TNFRSF8: variants seen among roughly 807,000 people sequenced by gnomAD.
TNFRSF8 encodes TNF receptor superfamily member 8, also known as tumor necrosis factor receptor superfamily member 8.
In TNFRSF8, 26 loss-of-function variants were observed where a neutral mutation model predicts 70.8. That is an observed-to-expected ratio of 0.37 (90% CI 0.27 to 0.51). The LOEUF is 0.51. TNFRSF8 is among the 20% of genes least tolerant of loss of function. TNFRSF8 has a pLI of 0.94. For synonymous variants in TNFRSF8, 356 were observed against 339.2 expected (o/e 1.05, Z -0.54); for missense variants, 720 against 807.9 (o/e 0.89, Z 1.32).
At chr1:12,132,802 C>T (rs1317946851) in intron 12 of TNFRSF8, among the ~76,000 whole-genome samples, 2 of 134,180 alleles carry the variant, frequency 1.5e-5, no homozygotes, top group African/African-American at 2.8e-5. Context: ...CGTGCCACTA[C>T]ACTCCAGCCT....
chr1:12,104,544 A>G lies in TNFRSF8; in HGVS notation c.421+13A>G. On this transcript the variant is annotated intron_variant, in intron 4 of 14. Transcript: ENST00000263932. ...GTCAAGTTCCCAGGTCAGTGTCCCC[A>G]CCCTTAACTCAGGACAGAGATCTAT... The G allele has an allele frequency of 6.2e-7, 1 of 1,613,756 alleles. No individual in the cohort carries two copies. The highest frequency in any genetic ancestry group is 8.5e-7 in the Non-Finnish European group (1 of 1,179,928).
At chr1:12,126,453 C>T (rs780756057) in intron 12 of TNFRSF8, among the ~76,000 whole-genome samples, 10 of 152,296 alleles carry the variant, frequency 6.6e-5, no homozygotes, top group African/African-American at 2.4e-4. Flanking sequence ...CTGGGTGTGA[C>T]GACTGTGTGG....
chr1:12,087,676 T>G (rs1301281676), intron 2 of TNFRSF8, among the ~76,000 whole-genome samples: 1 of 152,208 alleles, frequency 6.6e-6, no homozygotes, highest in East Asian at 1.9e-4. Flanking sequence ...CTATGACTTT[T>G]CATGGGACCC....
At chr1:12,140,845 A>G (rs1408787676) in intron 14 of TNFRSF8, among the ~76,000 whole-genome samples, 1 of 129,634 alleles carries the variant, frequency 7.7e-6, no homozygotes, top group Non-Finnish European at 1.6e-5. Flanking sequence ...TTCTCTGCCC[A>G]TCCCCCTCTG....
chr1:12,094,096 G>A (rs1641290448), intron 2 of TNFRSF8, among the ~76,000 whole-genome samples: 1 of 145,122 alleles, frequency 6.9e-6, no homozygotes, highest in South Asian at 2.3e-4. Flanking sequence ...GCCCACCTCA[G>A]CCTCCCAAAG....
At chr1:12,066,564 G>C (rs1162050422) in intron 1 of TNFRSF8, among the ~76,000 whole-genome samples, 1 of 152,106 alleles carries the variant, frequency 6.6e-6, no homozygotes, top group Non-Finnish European at 1.5e-5. Flanking sequence ...TGTTGGCCAG[G>C]CTGGTCTTGA....
At chr1:12,137,316 A>G (rs532960126) in intron 13 of TNFRSF8, among the ~76,000 whole-genome samples, 1 of 99,884 alleles carries the variant, frequency 1.0e-5, no homozygotes, top group East Asian at 2.3e-4. Flanking sequence ...AAAGTAAAAA[A>G]TAATAATAAT....
intron 12 of TNFRSF8, among the ~76,000 whole-genome samples, chr1:12,132,898 A>G (rs1379731782): frequency 6.7e-6 from 1 of 149,686 alleles, no homozygotes; most frequent in Non-Finnish European, 1.5e-5. Context: ...TTCACTTTTG[A>G]TATCTCTTTT....
rs1640684480 is a variant in TNFRSF8 at position 12,063,560 on chromosome 1, G to A, written c.-39G>A. 7.7e-7 allele frequency: 1 copy of A among 1,301,310 alleles called. No individual in the cohort carries two copies. The highest frequency in any genetic ancestry group is 9.8e-7 in the Non-Finnish European group (1 of 1,018,690). The allele number at this position is 1,301,310 out of a possible 1,614,324, so 80.6% of individuals were successfully genotyped here. On this transcript the variant is annotated 5_prime_UTR_variant, in exon 1 of 15. Transcript: ENST00000263932. This position sits in a 1 kb window ranked among gnomAD's most constrained non-coding sequence, Gnocchi z 7.2. ...GCGCGCTTCCCCCGCTTCCCAGGTG[G>A]GCGCCGGCCGCCAGGCCACCTCACG...
intron 6 of TNFRSF8, 81 bp from the exon 7 acceptor site, chr1:12,111,817 A>T: frequency 1.7e-6 from 2 of 1,147,210 alleles, no homozygotes; most frequent in Non-Finnish European, 2.6e-6. Flanking sequence ...ACGGTGAGGG[A>T]TGGGGGGCTT....
intron 10 of TNFRSF8, among the ~76,000 whole-genome samples, chr1:12,125,300 C>T (rs1187335954): frequency 6.6e-6 from 1 of 152,210 alleles, no homozygotes; most frequent in East Asian, 1.9e-4. Context: ...AAGAGCGTGG[C>T]CCTGCAGTCC....
intron 3 of TNFRSF8, among the ~76,000 whole-genome samples, chr1:12,103,996 A>C (rs1641470663): frequency 6.6e-6 from 1 of 152,122 alleles, no homozygotes; most frequent in Non-Finnish European, 1.5e-5. Context: ...CACTGCCCTA[A>C]ATGTGTCCTG....
At chr1:12,090,448 C>T (rs568919011) in intron 2 of TNFRSF8, among the ~76,000 whole-genome samples, 37 of 150,790 alleles carry the variant, frequency 2.5e-4, no homozygotes, top group African/African-American at 9.0e-4. Flanking sequence ...CCCCATCCAT[C>T]CATCCATCCA....
chr1:12,066,445 C>A (rs542941196), intron 1 of TNFRSF8, among the ~76,000 whole-genome samples: 2 of 151,824 alleles, frequency 1.3e-5, no homozygotes, highest in Non-Finnish European at 2.9e-5. Flanking sequence ...CCACCCTCTC[C>A]CAGGTTCAAG....
At chr1:12,135,481 GT>G in intron 12 of TNFRSF8, 106 bp from the exon 13 acceptor site, 2 of 1,423,624 alleles carry the variant, frequency 1.4e-6, no homozygotes, top group East Asian at 2.9e-5. Flanking sequence ...CCTGGGCTGA[GT>G]TCAGCACCAC....
chr1:12,123,348 C>T lies in TNFRSF8; in HGVS notation c.1011C>T (p.Pro337=). 2 of 1,613,212 alleles carry T rather than the reference C, an allele frequency of 1.2e-6. No homozygotes were observed. Among genetic ancestry groups the T allele is most frequent in the Non-Finnish European group, 1.7e-6 (2 of 1,179,736 alleles). ...TGGGGACCCAGCCGGACTGCAACCC[C>T]ACCCCAGAGAATGGCGAGGCGCCTG... The part of the protein sequence containing the change: ...PPLGTQPDCN[P]TPENGEAPAS... Residue 337 remains proline, a synonymous_variant, in exon 9 of 15, where the codon CCC becomes CCT. Coordinates refer to ENST00000263932, the MANE Select transcript of TNFRSF8 (RefSeq NM_001243.5).
chr1:12,101,409 A>G (rs1570027028), intron 3 of TNFRSF8, among the ~76,000 whole-genome samples: 1 of 149,996 alleles, frequency 6.7e-6, no homozygotes, highest in Non-Finnish European at 1.5e-5. Flanking sequence ...CCTGGGCAAC[A>G]GAGCAAGACC....
chr1:12,121,801 G>A lies in TNFRSF8; in HGVS notation c.947-1483G>A, dbSNP rs1435541043. 5.9e-5 allele frequency among the ~76,000 whole-genome samples: 9 copies of A among 152,344 alleles called. No individual in the cohort carries two copies. The East Asian group carries it at 1.7e-3, about 29-fold the overall frequency. ...AAGAATACTCACAGCTGCCTTGTTC[G>A]TCATAGTTCAAACTGGAAACAACCC... is the stretch of plus-strand genomic sequence containing the variant. On this transcript the variant is annotated intron_variant, in intron 8 of 14. Transcript: ENST00000263932.
chr1:12,130,392 T>A (rs994563965), intron 12 of TNFRSF8, among the ~76,000 whole-genome samples: 2 of 152,224 alleles, frequency 1.3e-5, no homozygotes, highest in Non-Finnish European at 2.9e-5. Flanking sequence ...CCTCATCCTG[T>A]GCTTTGAGCA....
Sources: gnomAD v4.1 joint callset for allele counts (sites outside exome capture counted in the v4.1 genomes callset) on GRCh38, gnomAD v4.1.1 for gene constraint, Gnocchi (gnomAD v3.1) non-coding constraint, MANE v1.5 for transcripts, NCBI Gene and HGNC (gene_info 2026-07-23, HGNC 2026-07-21) for gene names.